DIDO1: variants seen among roughly 807,000 people sequenced by gnomAD.
DIDO1 encodes death inducer-obliterator 1, also known as death-inducer obliterator 1.
In DIDO1, 16 loss-of-function variants were observed where a neutral mutation model predicts 99.4. That is an observed-to-expected ratio of 0.16 (90% confidence interval 0.11 to 0.24). The LOEUF is 0.24. Among genes scored for constraint, DIDO1 ranks in the 10% least tolerant of loss-of-function variants. The pLI, the probability that DIDO1 is intolerant of heterozygous loss-of-function variation, is 1.00. For missense variants in DIDO1, 2,996 were observed against 3,014.0 expected (o/e 0.99, Z 0.14); for synonymous variants, 1,366 against 1,239.1 (o/e 1.10, Z -2.15).
At chr20:62,921,905 A>C (rs1309400592) in intron 1 of DIDO1, among the ~76,000 whole-genome samples, 1 of 149,708 alleles carries the variant, frequency 6.7e-6, no homozygotes, top group Non-Finnish European at 1.5e-5. Context: ...ATATATATCC[A>C]CAATATATAT....
intron 1 of DIDO1, among the ~76,000 whole-genome samples, chr20:62,933,189 C>T (rs1265070403): frequency 1.3e-5 from 2 of 152,130 alleles, no homozygotes; most frequent in Non-Finnish European, 2.9e-5. Flanking sequence ...CCAGCCTGGG[C>T]AACAAGAGTG....
intron 12 of DIDO1, 106 bp from the exon 13 acceptor site, chr20:62,893,068 G>A: frequency 1.6e-6 from 2 of 1,252,648 alleles, no homozygotes; most frequent in Non-Finnish European, 2.2e-6. Context: ...ATTCTGTCAT[G>A]CAGGCTGGAG....
intron 6 of DIDO1, among the ~76,000 whole-genome samples, chr20:62,897,893 C>G (rs1419881838): frequency 6.6e-6 from 1 of 152,168 alleles, no homozygotes; most frequent in Non-Finnish European, 1.5e-5. Flanking sequence ...GCTAGTGGAG[C>G]AGAGTGAAAC....
At position 62,894,157 on chromosome 20, in the gene DIDO1, T is replaced by A. The variant is rs1251673919; in HGVS notation, c.2610A>T (p.Lys870Asn). 1.2e-6 allele frequency: 2 copies of A among 1,614,046 alleles called. No homozygotes were observed. The highest frequency in any genetic ancestry group is 1.7e-6 in the Non-Finnish European group (2 of 1,179,934). ...TAACAGAAGCTGACAATTTTTGTTT[T>A]TTCGGAGCTGGCTCATCTTCTGCGG... is the stretch of plus-strand genomic sequence containing the variant. Reference protein sequence around the residue: ...VPSAEDEPAPKKQKLSASVKK... With the variant: ...VPSAEDEPAPNKQKLSASVKK... The change falls in exon 12 of 16, where the codon AAA (lysine) becomes AAT (asparagine). Residue 870 changes from lysine to asparagine, a missense_variant. Lys to Asn is a moderately conservative substitution (Grantham distance 94). Coordinates refer to ENST00000395343, the MANE Select transcript of DIDO1 (RefSeq NM_001193369.2). This position sits in a 1 kb window ranked among gnomAD's most constrained non-coding sequence, Gnocchi z 4.4.
Position 62,880,718 on chromosome 20 carries a change from A to G in DIDO1, c.5238T>C (p.Ser1746=). The change falls in exon 16 of 16, where the codon TCT becomes TCC. Residue 1746 remains serine, a synonymous_variant. Transcript: ENST00000395343. ...CCCGCTGACCCTGAAACGGGGGCTG[A>G]GAGCCCCCCACTTTCTGTCCTGGTG... The part of the protein sequence containing the change: ...LPPPGQKVGG[S]QPPFQGQREP... The G allele has an allele frequency of 6.2e-7, 1 of 1,612,688 alleles. No homozygotes were observed.
intron 15 of DIDO1, among the ~76,000 whole-genome samples, chr20:62,885,820 T>G (rs1404754610): frequency 6.6e-6 from 1 of 152,250 alleles, no homozygotes; most frequent in Non-Finnish European, 1.5e-5. Context: ...GAAGGAGCAG[T>G]GCACTTCGCC....
At chr20:62,931,053 G>C (rs1245358251), upstream of DIDO1, among the ~76,000 whole-genome samples, 1 of 152,182 alleles carries the variant, frequency 6.6e-6, no homozygotes, top group Non-Finnish European at 1.5e-5. Flanking sequence ...CAACCCTCCT[G>C]CCTCACCCTC....
chr20:62,900,676 T>G (rs2064650218), intron 6 of DIDO1, among the ~76,000 whole-genome samples: 1 of 152,152 alleles, frequency 6.6e-6, no homozygotes, highest in South Asian at 2.1e-4. Context: ...TAAAAATCAC[T>G]AAAATAAACA....
At chr20:62,921,872 T>C (rs2065143816) in intron 1 of DIDO1, among the ~76,000 whole-genome samples, 2 of 150,434 alleles carry the variant, frequency 1.3e-5, no homozygotes, top group African/African-American at 2.5e-5. Context: ...TATATATATA[T>C]CCACAATATA....
chr20:62,930,662 T>A (rs78569414), upstream of DIDO1, among the ~76,000 whole-genome samples: 2,225 of 152,316 alleles, frequency 0.015, 57 homozygotes, highest in African/African-American at 0.049. Flanking sequence ...CAAATTACTA[T>A]ACAAACTGAA....
At position 62,894,014 on chromosome 20, in the gene DIDO1, C is replaced by T; in HGVS notation, c.2753G>A (p.Ser918Asn). 6.2e-7 allele frequency: 1 copy of T among 1,614,202 alleles called. No homozygotes were observed. Residue 918 changes from serine (S) to asparagine (N), a missense_variant, in exon 12 of 16, where the codon AGT (serine) becomes AAT (asparagine). By Grantham distance (46) the Ser-to-Asn change is conservative (BLOSUM62 1). Around this residue, in one of 5 missense-constraint regions of DIDO1, gnomAD observed 898 missense variants for 972.7 expected, o/e 0.92. Transcript: ENST00000395343. The surrounding 1 kb of genome is among the most constrained non-coding windows in gnomAD (Gnocchi z 4.4). ...PEVASEPGLE[S>N]ASHPNVDRTY... ...TCTGTCCACATTTGGATGAGAAGCA[C>T]TTTCTAGGCCTGGCTCAGAGGCAAC...
At chr20:62,901,098 A>C (rs747497607) in intron 6 of DIDO1, among the ~76,000 whole-genome samples, 1 of 152,220 alleles carries the variant, frequency 6.6e-6, no homozygotes, top group African/African-American at 2.4e-5. Context: ...TTCGCCTTTT[A>C]TAAGTAGTTA....
chr20:62,895,006 G>C, intron 9 of DIDO1, 43 bp downstream of exon 9: 5 of 1,595,764 alleles, frequency 3.1e-6, no homozygotes, highest in Non-Finnish European at 4.3e-6. Flanking sequence ...TTTCTATTAA[G>C]CTCGAGTCCT....
chr20:62,904,807 A>AAAAAAG (rs1568859998), intron 6 of DIDO1, among the ~76,000 whole-genome samples: 1 of 141,702 alleles, frequency 7.1e-6, no homozygotes, highest in African/African-American at 2.7e-5. Flanking sequence ...AAAAAAAAAA[A>AAAAAAG]GTGTCTTTTT....
At chr20:62,923,034 C>T (rs1334750391) in intron 1 of DIDO1, among the ~76,000 whole-genome samples, 1 of 152,176 alleles carries the variant, frequency 6.6e-6, no homozygotes, top group Non-Finnish European at 1.5e-5. Context: ...CAGAGTCTTG[C>T]TCTGTCACCC....
rs554892301 is a variant in DIDO1, at chr20:62,882,290, T to C, written c.3666A>G (p.Glu1222=). 6 of 1,614,050 alleles carry C rather than the reference T, an allele frequency of 3.7e-6. No homozygotes were observed. The African/African-American group carries it at 8.0e-5, about 22-fold the overall frequency. The change falls in exon 16 of 16, where the codon GAA becomes GAG. Residue 1222 remains glutamate, a synonymous_variant. Transcript: ENST00000395343. ...CTTTTGGATAGGCCGGAACGTCCGCTTCTTCCGGTTGAAGTCGGGTCCGCT... is the reference window on the plus strand; with the variant it reads ...CTTTTGGATAGGCCGGAACGTCCGCCTCTTCCGGTTGAAGTCGGGTCCGCT... ...DEKRTRLQPE[E]ADVPAYPKVA...
At position 62,896,792 on chromosome 20, in the gene DIDO1, G is replaced by C; in HGVS notation, c.1793C>G (p.Pro598Arg). Reference protein sequence around the residue: ...SGFKGTIPKRPWLSATPSSGA... With the variant: ...SGFKGTIPKRRWLSATPSSGA... ...ACTCGATGGGGTAGCGGAGAGCCATGGCCTCTTGGGGATGGTGCCCTTGAA... is the reference window on the plus strand; with the variant it reads ...ACTCGATGGGGTAGCGGAGAGCCATCGCCTCTTGGGGATGGTGCCCTTGAA... Residue 598 changes from proline to arginine, a missense_variant, in exon 7 of 16, where the codon CCA (proline) becomes CGA (arginine). Physicochemically the swap from Pro to Arg is moderately radical, Grantham distance 103. This residue lies in a region of DIDO1 where 898 missense variants were observed against 972.7 expected (regional missense o/e 0.92). Transcript: ENST00000395343. The surrounding 1 kb of genome is among the most constrained non-coding windows in gnomAD (Gnocchi z 4.4). The C allele has an allele frequency of 6.2e-7, 1 of 1,614,156 alleles. No individual in the cohort carries two copies. The highest frequency in any genetic ancestry group is 8.5e-7 in the Non-Finnish European group (1 of 1,180,056).
chr20:62,880,728 A>T lies in DIDO1; in HGVS notation c.5228T>A (p.Val1743Glu), dbSNP rs57164938. The T allele has an allele frequency of 9.3e-6, 15 of 1,612,528 alleles. No individual in the cohort carries two copies. The highest frequency in any genetic ancestry group is 1.3e-5 in the African/African-American group (1 of 74,936). Residue 1743 changes from valine to glutamate, a missense_variant, in exon 16 of 16, where the codon GTG becomes GAG. Physicochemically the swap from Val to Glu is moderately radical, Grantham distance 121. Transcript: ENST00000395343. ...TAPLPPPGQKVGGSQPPFQGQ... is the reference protein window; with the variant it reads ...TAPLPPPGQKEGGSQPPFQGQ... ...CTGAAACGGGGGCTGAGAGCCCCCC[A>T]CTTTCTGTCCTGGTGGGGGGAGCGG...
chr20:62,892,773 G>GAC, intron 13 of DIDO1, 36 bp downstream of exon 13: 1 of 1,577,606 alleles, frequency 6.3e-7, no homozygotes, highest in South Asian at 1.1e-5. Context: ...TCCTATGAAA[G>GAC]ACACACACAC....
Sources: gnomAD v4.1 joint callset for allele counts (sites outside exome capture counted in the v4.1 genomes callset) on GRCh38, gnomAD v4.1.1 for gene constraint, gnomAD v4.1.1 regional missense constraint, Gnocchi (gnomAD v3.1) non-coding constraint, MANE v1.5 for transcripts, NCBI Gene and HGNC (gene_info 2026-07-23, HGNC 2026-07-21) for gene names.